The following TSPAN9 variants were observed in gnomAD, a reference collection of about 807,000 sequenced individuals.
TSPAN9 encodes tetraspanin-9.
TSPAN9 carries 16 observed loss-of-function variants against 31.0 expected under a neutral mutation model. The ratio of observed to expected loss-of-function variants is 0.52; its 90% CI spans 0.35 to 0.78. The LOEUF is 0.78. Ranked by LOEUF, TSPAN9 falls within the 30% of genes least tolerant of loss-of-function variation. The pLI, the probability that TSPAN9 is intolerant of heterozygous loss-of-function variation, is 0.01. For missense variants in TSPAN9, 272 were observed against 312.5 expected, an observed-to-expected ratio of 0.87 and a Z score of 0.98; for synonymous variants, 145 against 121.6, an observed-to-expected ratio of 1.19 and a Z score of -1.27.
intron 3 of TSPAN9, among the ~76,000 whole-genome samples, chr12:3,266,614 G>A (rs73048927): frequency 0.042 from 6,434 of 152,294 alleles, 181 homozygotes; most frequent in Non-Finnish European, 0.063. Flanking sequence ...AGTCTCCTGT[G>A]TGACCAGGAG....
At chr12:3,175,522 T>C (rs1309029818) in intron 2 of TSPAN9, among the ~76,000 whole-genome samples, 2 of 152,166 alleles carry the variant, frequency 1.3e-5, no homozygotes, top group African/African-American at 4.8e-5. Context: ...TTCATTTCCT[T>C]TGGTACTTGT....
At chr12:3,152,628 C>T (rs1387589417) in intron 2 of TSPAN9, among the ~76,000 whole-genome samples, 1 of 152,014 alleles carries the variant, frequency 6.6e-6, no homozygotes, top group Non-Finnish European at 1.5e-5. Flanking sequence ...CTCTGTTGCC[C>T]AGGCTGGTGT....
In TSPAN9 at chr12:3,168,398, G is replaced by A. The variant is rs1198656714; in HGVS notation, c.-17-32779G>A. 4.6e-5 allele frequency among the ~76,000 whole-genome samples: 7 copies of A among 152,182 alleles called. No homozygotes were observed. The highest frequency in any genetic ancestry group is 1.0e-4 in the Non-Finnish European group (7 of 68,040). The stretch of plus-strand genomic sequence containing the variant: ...CGCAATATGTTCCGGGTGCTGTAGG[G>A]GTGCTGGGTGAACAAGAACTGGGCC... On this transcript the variant is annotated intron_variant, in intron 2 of 8. Transcript: ENST00000011898. This position sits in a 1 kb window ranked among gnomAD's most constrained non-coding sequence, Gnocchi z 4.0.
chr12:3,255,073 C>T (rs1171966797), intron 3 of TSPAN9, among the ~76,000 whole-genome samples: 1 of 152,212 alleles, frequency 6.6e-6, no homozygotes, highest in Non-Finnish European at 1.5e-5. Flanking sequence ...CTTCAGCTCC[C>T]CTTTGTCCCC....
chr12:3,089,091 G>C (rs1281047601), intron 2 of TSPAN9, among the ~76,000 whole-genome samples: 1 of 151,606 alleles, frequency 6.6e-6, no homozygotes, highest in Non-Finnish European at 1.5e-5. Context: ...AATTAGCCGG[G>C]CGTGGTGGCG....
intron 2 of TSPAN9, chr12:3,149,964 A>T (rs1387998179): frequency 6.6e-6 from 1 of 152,232 alleles, no homozygotes; most frequent in African/African-American, 2.4e-5. Context: ...TTGTTAATTG[A>T]TGTATTCATC....
rs1328770168 is a variant in TSPAN9, at chr12:3,170,002, G to A, written c.-17-31175G>A. 7.1e-6 allele frequency among the ~76,000 whole-genome samples: 1 copy of A among 140,656 alleles called. No homozygotes were observed. The highest frequency in any genetic ancestry group is 1.5e-5 in the Non-Finnish European group (1 of 66,010). 92.3% of individuals were successfully genotyped at this position (140,656 alleles called of 152,430 possible). On this transcript the variant is annotated intron_variant, in intron 2 of 8. Transcript: ENST00000011898. The surrounding 1 kb of genome is among the most constrained non-coding windows in gnomAD (Gnocchi z 4.4). ...AGAGCCCTGATGGAGGAGTCAGAATGTCTTGGGGTGGGGGTGGGGGCATCC... is the reference window on the plus strand; with the variant it reads ...AGAGCCCTGATGGAGGAGTCAGAATATCTTGGGGTGGGGGTGGGGGCATCC...
chr12:3,199,754 A>T (rs1213442598), intron 2 of TSPAN9, among the ~76,000 whole-genome samples: 3 of 151,850 alleles, frequency 2.0e-5, no homozygotes, highest in African/African-American at 7.3e-5. Flanking sequence ...GGGGGCGGGG[A>T]GGGCGGCGCG....
intron 2 of TSPAN9, among the ~76,000 whole-genome samples, chr12:3,152,597 C>CTTTTTTT (rs367668971): frequency 6.6e-6 from 1 of 150,988 alleles, no homozygotes. Context: ...TCTTTTCTTT[C>CTTTTTTT]TTTTTTGAGA....
intron 2 of TSPAN9, chr12:3,151,348 C>CGAAGCCCGT (rs1302553972): frequency 6.6e-6 from 1 of 152,282 alleles, no homozygotes; most frequent in Non-Finnish European, 1.5e-5. Flanking sequence ...TAATTGGGCA[C>CGAAGCCCGT]GAAGCCCGTG....
At position 3,208,078 on chromosome 12, in the gene TSPAN9, G is replaced by A. The variant is rs141886559; in HGVS notation, c.63+6822G>A. The stretch of plus-strand genomic sequence containing the variant: ...ATGCAGGTGTACTGCTCAGCAGGAG[G>A]CCTGGCGCCTTGGACTTCGTGCGCA... On this transcript the variant is annotated intron_variant, in intron 3 of 8. Transcript: ENST00000011898. Among the ~76,000 whole-genome samples, 197 of 152,362 alleles carry A rather than the reference G, an allele frequency of 1.3e-3. 1 individual carries two copies. The highest frequency in any genetic ancestry group is 4.3e-3 in the African/African-American group (180 of 41,582).
intron 2 of TSPAN9, among the ~76,000 whole-genome samples, chr12:3,134,024 C>A (rs933790827): frequency 6.6e-6 from 1 of 152,066 alleles, no homozygotes; most frequent in African/African-American, 2.4e-5. Context: ...TTGGAACAGC[C>A]CCTTAGAAGG....
chr12:3,201,686 G>A (rs1209948353), intron 3 of TSPAN9, among the ~76,000 whole-genome samples: 1 of 152,242 alleles, frequency 6.6e-6, no homozygotes, highest in African/African-American at 2.4e-5. Context: ...CCTCCTGAAT[G>A]CACAAGAATA....
rs536462797 is a variant in TSPAN9 at position 3,114,597 on chromosome 12, C to G, written c.-18+30878C>G. On this transcript the variant is annotated intron_variant, in intron 2 of 8. Coordinates refer to ENST00000011898, the MANE Select transcript of TSPAN9 (RefSeq NM_006675.5). Reference sequence around the variant, plus strand: ...CAGGCATGGTGGCTCACACCCAGCACTTTGGGAGGCTGAGGCGGGTGGATC... The same window carrying G: ...CAGGCATGGTGGCTCACACCCAGCAGTTTGGGAGGCTGAGGCGGGTGGATC... Among the ~76,000 whole-genome samples the G allele has an allele frequency of 3.3e-5, 5 of 152,232 alleles. No homozygotes were observed. In the East Asian group the frequency reaches 7.7e-4, roughly 24 times the overall value.
chr12:3,231,489 G>A (rs1043339779), intron 3 of TSPAN9, among the ~76,000 whole-genome samples: 2 of 152,180 alleles, frequency 1.3e-5, no homozygotes, highest in African/African-American at 4.8e-5. Flanking sequence ...GAGAGATGCC[G>A]TCGGCAGAGA....
intron 3 of TSPAN9, among the ~76,000 whole-genome samples, chr12:3,257,561 T>A (rs1862371360): frequency 1.3e-5 from 2 of 151,936 alleles, no homozygotes; most frequent in African/African-American, 2.4e-5. Context: ...GACTGAAACC[T>A]GCTGAGACAC....
intron 8 of TSPAN9, 68 bp downstream of exon 8, chr12:3,281,885 G>C: frequency 1.3e-6 from 2 of 1,551,160 alleles, no homozygotes; most frequent in Non-Finnish European, 1.8e-6. Flanking sequence ...AGGAAGCACA[G>C]AGAAGTGAAA....
chr12:3,229,280 C>A (rs1411160939), intron 3 of TSPAN9, among the ~76,000 whole-genome samples: 3 of 152,182 alleles, frequency 2.0e-5, no homozygotes, highest in Non-Finnish European at 2.9e-5. Flanking sequence ...TACCAAGGGG[C>A]AGCAAATAGA....
intron 2 of TSPAN9, among the ~76,000 whole-genome samples, chr12:3,098,689 T>C (rs1057382365): frequency 1.3e-5 from 2 of 152,130 alleles, no homozygotes; most frequent in Non-Finnish European, 2.9e-5. Context: ...TTCATTGTTC[T>C]CAGTGTGATC....
Sources: gnomAD v4.1 joint callset for allele counts (sites outside exome capture counted in the v4.1 genomes callset) on GRCh38, gnomAD v4.1.1 for gene constraint, Gnocchi (gnomAD v3.1) non-coding constraint, MANE v1.5 for transcripts, NCBI Gene and HGNC (gene_info 2026-07-23, HGNC 2026-07-21) for gene names.